Variants in COA1 observed in about 807,000 individuals in gnomAD.
COA1 encodes the protein cytochrome c oxidase assembly factor 1.
A neutral mutation model predicts 16.0 loss-of-function variants in COA1; 13 were observed. The observed-to-expected ratio is 0.81, with a 90% CI of 0.53 to 1.29. The LOEUF (loss-of-function observed/expected upper bound fraction) is 1.29, where lower values mean the gene tolerates loss of function less well. Among genes scored for constraint, COA1 ranks in the 50% most tolerant of loss-of-function variants. The probability of loss-of-function intolerance (pLI) is 0.00; values close to 1 mark genes in which losing one functional copy is unlikely to be tolerated. For missense variants in COA1, 179 were observed against 177.0 expected (o/e 1.01, Z -0.06); for synonymous variants, 65 against 65.7 (o/e 0.99, Z 0.05).
At chr7:43,659,515 C>G (rs1465650842) in intron 1 of COA1, among the ~76,000 whole-genome samples, 1 of 152,176 alleles carries the variant, frequency 6.6e-6, no homozygotes, top group Non-Finnish European at 1.5e-5. Context: ...GACTCTGATT[C>G]ATAACCATTT....
intron 3 of COA1, chr7:43,647,296 T>G: frequency 1.8e-6 from 1 of 552,036 alleles, no homozygotes; most frequent in South Asian, 2.5e-5. Flanking sequence ...CCATCGTGCT[T>G]TGCTGGGCTT....
At chr7:43,699,069 G>A (rs887465363) in intron 1 of COA1, among the ~76,000 whole-genome samples, 8 of 152,150 alleles carry the variant, frequency 5.3e-5, no homozygotes, top group South Asian at 2.1e-4. Context: ...TCAGAACAGC[G>A]TGGGTTAGGA....
chr7:43,691,297 GAAAGAAAGAAAGAAAGAAAGAAAGAA>G (rs2094299575), intron 1 of COA1, among the ~76,000 whole-genome samples: 1 of 87,972 alleles, frequency 1.1e-5, no homozygotes, highest in Admixed American at 1.3e-4. Flanking sequence ...AAGAAAGAAA[GAAAGAAAGAAAGAAAGAAAGAAAGAA>G]AGAAAGAGAA....
At chr7:43,641,335 C>G (rs76124695) in intron 4 of COA1, 5 of 135,650 alleles carry the variant, frequency 3.7e-5, no homozygotes, top group African/African-American at 1.4e-4. Flanking sequence ...AAAAAAAAAC[C>G]AGGAACCATA....
chr7:43,660,424 C>T (rs2092306988), intron 1 of COA1, among the ~76,000 whole-genome samples: 1 of 152,132 alleles, frequency 6.6e-6, no homozygotes, highest in South Asian at 2.1e-4. Context: ...GGGAGTCATC[C>T]TCATAAAAAC....
intron 1 of COA1, among the ~76,000 whole-genome samples, chr7:43,714,903 G>T (rs1399675550): frequency 6.7e-6 from 1 of 149,624 alleles, no homozygotes; most frequent in Non-Finnish European, 1.5e-5. Context: ...AGCTACTCAG[G>T]TGGCTGAGGC....
intron 1 of COA1, among the ~76,000 whole-genome samples, chr7:43,692,984 C>T (rs1438994960): frequency 6.6e-6 from 1 of 152,176 alleles, no homozygotes; most frequent in Non-Finnish European, 1.5e-5. Flanking sequence ...CCAAGCTCCA[C>T]CTCAGACTGA....
At chr7:43,691,248 CAAAAAAAGAAAGA>C (rs1321674161) in intron 1 of COA1, among the ~76,000 whole-genome samples, 1,320 of 59,738 alleles carry the variant, frequency 0.022, 158 homozygotes, top group African/African-American at 0.1. Context: ...GACCTTGACT[CAAAAAAAGAAAGA>C]AAGAAAAGAA....
intron 6 of COA1, chr7:43,631,692 G>A (rs1246603066): frequency 1.3e-5 from 2 of 152,146 alleles, no homozygotes; most frequent in Non-Finnish European, 2.9e-5. Context: ...GTTTTCAGAA[G>A]TCTGTCCTAT....
At chr7:43,610,577 G>C (rs2082769624) in intron 6 of COA1, among the ~76,000 whole-genome samples, 1 of 151,962 alleles carries the variant, frequency 6.6e-6, no homozygotes, top group African/African-American at 2.4e-5. Context: ...TGAGGGGGGA[G>C]AATCGCTTGA....
chr7:43,637,934 A>AACAG (rs1214416657), downstream of COA1, among the ~76,000 whole-genome samples: 5 of 152,354 alleles, frequency 3.3e-5, no homozygotes, highest in African/African-American at 9.6e-5. Context: ...GTTGTCAGAG[A>AACAG]ACAGACAGAT....
downstream of COA1, among the ~76,000 whole-genome samples, chr7:43,636,028 T>C (rs1459226991): frequency 1.3e-5 from 2 of 152,208 alleles, no homozygotes; most frequent in Non-Finnish European, 2.9e-5. Flanking sequence ...TTTGGAAATT[T>C]CCTCTAAGGG....
chr7:43,639,324 C>G lies in COA1; in HGVS notation c.*258G>C. 6.8e-6 allele frequency: 2 copies of G among 292,674 alleles called. No homozygotes were observed. The highest frequency in any genetic ancestry group is 1.4e-4 in the South Asian group (2 of 14,740). The allele number at this position is 292,674 out of a possible 1,614,324, so 18.1% of individuals were successfully genotyped here. ...TGTGCTTTTTTATACAAAGCACTTT[C>G]AAATACATTACATTATCTTAAATTT... On this transcript the variant is annotated 3_prime_UTR_variant, in exon 6 of 6. Coordinates refer to ENST00000223336, the MANE Select transcript of COA1 (RefSeq NM_018224.4).
At chr7:43,647,434 T>C (rs1441433074) in intron 3 of COA1, 101 bp downstream of exon 3, 2 of 869,202 alleles carry the variant, frequency 2.3e-6, no homozygotes, top group East Asian at 2.5e-5. Context: ...CCTCTCCTCC[T>C]TTCTCTAATC....
At chr7:43,704,288 T>C (rs957848241) in intron 1 of COA1, among the ~76,000 whole-genome samples, 17 of 152,164 alleles carry the variant, frequency 1.1e-4, no homozygotes, top group African/African-American at 3.4e-4. Flanking sequence ...CTATGTGTCT[T>C]GGGGAAGGTC....
chr7:43,647,442 A>G (rs762453876), intron 3 of COA1, 93 bp downstream of exon 3: 1 of 919,730 alleles, frequency 1.1e-6, no homozygotes, highest in Middle Eastern at 2.2e-4. Context: ...CCTTTCTCTA[A>G]TCTAAACAAA....
intron 6 of COA1, among the ~76,000 whole-genome samples, chr7:43,616,542 A>G (rs2083362121): frequency 6.6e-6 from 1 of 152,136 alleles, no homozygotes; most frequent in African/African-American, 2.4e-5. Flanking sequence ...ACCTACGGGC[A>G]TTTTCATAAT....
chr7:43,639,628 A>G lies in COA1; in HGVS notation c.395T>C (p.Val132Ala), dbSNP rs935983379. Residue 132 changes from valine to alanine, a missense_variant, in exon 6 of 6, where the codon GTG becomes GCG. Coordinates refer to ENST00000223336, the MANE Select transcript of COA1 (RefSeq NM_018224.4). ...ACCGTTTTCCCCACTGAGCTTGAAC[A>G]CAGGAATCTGCTGACCATCCTTGAG... Reference protein sequence around the residue: ...LELKDGQQIPVFKLSGENGDE... With the variant: ...LELKDGQQIPAFKLSGENGDE... 4.3e-6 allele frequency: 7 copies of G among 1,614,094 alleles called. No homozygotes were observed. The highest frequency in any genetic ancestry group is 3.3e-5 in the Admixed American group (2 of 60,010).
intron 1 of COA1, among the ~76,000 whole-genome samples, chr7:43,660,635 G>A (rs1363937629): frequency 2.6e-5 from 4 of 152,010 alleles, no homozygotes; most frequent in Non-Finnish European, 4.4e-5. Flanking sequence ...CTGACTCCAG[G>A]GCCTATGCTC....
Sources: allele counts gnomAD v4.1 joint callset (sites outside exome capture counted in the v4.1 genomes callset), GRCh38; gene constraint gnomAD v4.1.1; transcripts MANE v1.5; gene names NCBI Gene and HGNC (gene_info 2026-07-23, HGNC 2026-07-21).